The following ARL6 variants were observed in gnomAD, a reference collection of about 807,000 sequenced individuals.
ARL6 encodes the protein ARF like GTPase 6, also known as ADP-ribosylation factor-like protein 6.
ARL6 carries 18 observed loss-of-function variants against 27.1 expected under a neutral mutation model. That is an observed-to-expected ratio of 0.66 (90% CI 0.46 to 0.98). The LOEUF (loss-of-function observed/expected upper bound fraction) is 0.98. ARL6 is among the 50% of genes least tolerant of loss of function. The pLI, the probability that ARL6 is intolerant of heterozygous loss-of-function variation, is 0.00. For missense variants in ARL6, 187 were observed against 214.9 expected (o/e 0.87, Z 0.81); for synonymous variants, 65 against 72.3 (o/e 0.90, Z 0.51).
chr3:97,797,903 A>G (rs1365814487), intron 7 of ARL6, 121 bp from the exon 8 acceptor site: 2 of 929,962 alleles, frequency 2.2e-6, no homozygotes, highest in Non-Finnish European at 1.7e-6. Context: ...AAAAATAATA[A>G]TAACAAAAGC....
chr3:97,793,033 A>G (rs2108090300), intron 7 of ARL6, among the ~76,000 whole-genome samples: 1 of 152,232 alleles, frequency 6.6e-6, no homozygotes, highest in South Asian at 2.1e-4. Flanking sequence ...TGGTAGATCT[A>G]AGAGTAGCCT....
intron 7 of ARL6, among the ~76,000 whole-genome samples, chr3:97,792,534 C>T (rs931576967): frequency 6.6e-6 from 1 of 152,162 alleles, no homozygotes; most frequent in Non-Finnish European, 1.5e-5. Context: ...TCCATTTATA[C>T]ATAGCATGTA....
chr3:97,788,151 T>C, intron 6 of ARL6, 32 bp downstream of exon 6: 1 of 1,604,666 alleles, frequency 6.2e-7, no homozygotes, highest in Non-Finnish European at 8.5e-7. Flanking sequence ...TCACTGTAGC[T>C]TTCTGAAAAA....
At chr3:97,790,301 A>C (rs1435234700) in intron 6 of ARL6, among the ~76,000 whole-genome samples, 1 of 152,106 alleles carries the variant, frequency 6.6e-6, no homozygotes, top group Non-Finnish European at 1.5e-5. Flanking sequence ...CCAGATAGAG[A>C]GGCCAGCAAG....
At chr3:97,782,786 TATAA>T (rs960071854) in intron 4 of ARL6, among the ~76,000 whole-genome samples, 8 of 151,214 alleles carry the variant, frequency 5.3e-5, no homozygotes, top group South Asian at 2.1e-4. Context: ...AAAATGTTAC[TATAA>T]ATATTTATCT....
At chr3:97,777,059 G>A (rs2036944724) in intron 2 of ARL6, among the ~76,000 whole-genome samples, 1 of 152,212 alleles carries the variant, frequency 6.6e-6, no homozygotes, top group Admixed American at 6.5e-5. Flanking sequence ...TTATAAACGA[G>A]CATAGATTTT....
intron 4 of ARL6, among the ~76,000 whole-genome samples, chr3:97,783,226 T>C (rs979089962): frequency 6.6e-6 from 1 of 151,750 alleles, no homozygotes; most frequent in Non-Finnish European, 1.5e-5. Flanking sequence ...ATCTTTTTGG[T>C]ATCTTTCTCC....
intron 7 of ARL6, among the ~76,000 whole-genome samples, chr3:97,797,367 A>G (rs1404572650): frequency 6.6e-6 from 1 of 152,092 alleles, no homozygotes; most frequent in African/African-American, 2.4e-5. Flanking sequence ...GAGGGATAAA[A>G]TATAGAAGAG....
At chr3:97,765,071 C>T (rs2036303554) in intron 1 of ARL6, 94 bp downstream of exon 1, 1 of 152,140 alleles carries the variant, frequency 6.6e-6, no homozygotes, top group African/African-American at 2.4e-5. Context: ...TTTTTCACTC[C>T]ACGCGTGTAG....
At position 97,775,459 on chromosome 3, in the gene ARL6, G is replaced by GT. The variant is rs796446631; in HGVS notation, c.124-4690dup. 1.6e-3 allele frequency among the ~76,000 whole-genome samples: 233 copies of GT among 148,204 alleles called. 1 individual carries two copies. Among genetic ancestry groups the GT allele is most frequent in the Admixed American group, 4.6e-3 (68 of 14,830 alleles). ...GGCTAAGCCAGCCTAGCCTTTTCAG[G>GT]TTTTTTTTTTGCCTGCTTTATATAT... On this transcript the variant is annotated intron_variant, in intron 2 of 7. Transcript: ENST00000463745.
At chr3:97,777,228 A>G (rs2036953034) in intron 2 of ARL6, among the ~76,000 whole-genome samples, 1 of 152,150 alleles carries the variant, frequency 6.6e-6, no homozygotes, top group Non-Finnish European at 1.5e-5. Flanking sequence ...AACTAACCAA[A>G]TAGGATCTCT....
intron 7 of ARL6, among the ~76,000 whole-genome samples, chr3:97,794,424 G>A (rs1325237901): frequency 6.6e-6 from 1 of 151,932 alleles, no homozygotes; most frequent in Non-Finnish European, 1.5e-5. Context: ...ATGTTGGGAA[G>A]GCTGGTCTCG....
intron 7 of ARL6, among the ~76,000 whole-genome samples, chr3:97,792,851 C>G (rs190802500): frequency 6.6e-6 from 1 of 151,914 alleles, no homozygotes; most frequent in Admixed American, 6.6e-5. Context: ...ATCATTTCTA[C>G]GGGGAATGTC....
chr3:97,773,189 T>C (rs894302690), intron 2 of ARL6, among the ~76,000 whole-genome samples: 2 of 152,240 alleles, frequency 1.3e-5, no homozygotes, highest in East Asian at 1.9e-4. Context: ...CTGAAGAACT[T>C]GGAGTCCGAT....
chr3:97,776,196 TTG>T (rs2036891175), intron 2 of ARL6, among the ~76,000 whole-genome samples: 1 of 152,230 alleles, frequency 6.6e-6, no homozygotes, highest in Admixed American at 6.5e-5. Flanking sequence ...GTGATTTACT[TTG>T]TCTCTTTTTA....
intron 2 of ARL6, among the ~76,000 whole-genome samples, chr3:97,778,527 C>T (rs2037019864): frequency 6.6e-6 from 1 of 152,022 alleles, no homozygotes; most frequent in African/African-American, 2.4e-5. Flanking sequence ...AAATTTTCCC[C>T]TCTAATACTG....
intron 4 of ARL6, among the ~76,000 whole-genome samples, 199 bp from the exon 5 acceptor site, chr3:97,784,756 T>G (rs2037366499): frequency 6.6e-6 from 1 of 151,896 alleles, no homozygotes. Flanking sequence ...AATGAAAAGG[T>G]ATTTTACATG....
At chr3:97,771,838 T>C (rs1490893430) in intron 2 of ARL6, among the ~76,000 whole-genome samples, 1 of 152,216 alleles carries the variant, frequency 6.6e-6, no homozygotes, top group Non-Finnish European at 1.5e-5. Flanking sequence ...GGCTCATATA[T>C]TGATTTGTGT....
intron 1 of ARL6, among the ~76,000 whole-genome samples, chr3:97,765,467 C>T (rs894339512): frequency 1.3e-5 from 2 of 152,044 alleles, no homozygotes; most frequent in African/African-American, 4.8e-5. Context: ...ACTTCTCTGG[C>T]AATATGTAAT....
Sources: gnomAD v4.1 joint callset for allele counts (sites outside exome capture counted in the v4.1 genomes callset) on GRCh38, gnomAD v4.1.1 for gene constraint, MANE v1.5 for transcripts, NCBI Gene and HGNC (gene_info 2026-07-23, HGNC 2026-07-21) for gene names.